The following PCNX2 variants were observed in gnomAD, a reference collection of about 807,000 sequenced individuals.
The protein encoded by PCNX2 is pecanex 2.
In PCNX2, 168 loss-of-function variants were observed where a neutral mutation model predicts 223.8. The observed-to-expected ratio is 0.75, with a 90% CI of 0.66 to 0.85. The LOEUF is 0.85. Ranked by LOEUF, PCNX2 falls within the 40% of genes least tolerant of loss-of-function variation. The probability of loss-of-function intolerance (pLI) is 0.00; values close to 1 mark genes in which losing one functional copy is unlikely to be tolerated. For synonymous variants in PCNX2, 1,006 were observed against 1,052.6 expected (o/e 0.96, Z 0.86); for missense variants, 2,507 against 2,675.5 (o/e 0.94, Z 1.39).
At chr1:233,045,653 A>C (rs772718044) in intron 25 of PCNX2, among the ~76,000 whole-genome samples, 3 of 152,352 alleles carry the variant, frequency 2.0e-5, no homozygotes, top group Middle Eastern at 3.4e-3. Flanking sequence ...CACACACGTG[A>C]AATCTTGGCT....
intron 1 of PCNX2, among the ~76,000 whole-genome samples, chr1:233,266,692 G>A (rs530974008): frequency 3.3e-5 from 5 of 152,202 alleles, no homozygotes; most frequent in Middle Eastern, 3.4e-3. Flanking sequence ...TTGAATAGCC[G>A]TTTTCTTGTT....
At chr1:233,099,905 T>C (rs72763919) in intron 21 of PCNX2, among the ~76,000 whole-genome samples, 20,079 of 152,158 alleles carry the variant, frequency 0.13, 1,438 homozygotes, top group East Asian at 0.21. Flanking sequence ...TAAATAGAAA[T>C]CTCATTTAGA....
intron 23 of PCNX2, among the ~76,000 whole-genome samples, chr1:233,066,992 T>G (rs890568699): frequency 1.3e-5 from 2 of 151,936 alleles, no homozygotes; most frequent in Non-Finnish European, 2.9e-5. Flanking sequence ...CAAGAAACTT[T>G]CCACCCTCTC....
intron 23 of PCNX2, among the ~76,000 whole-genome samples, chr1:233,078,187 A>G (rs1673184791): frequency 6.6e-6 from 1 of 152,226 alleles, no homozygotes; most frequent in Admixed American, 6.5e-5. Context: ...AAAGCCTCCC[A>G]GTACCTACAG....
At chr1:233,183,039 T>G (rs188998472) in intron 15 of PCNX2, among the ~76,000 whole-genome samples, 1 of 152,298 alleles carries the variant, frequency 6.6e-6, no homozygotes, top group East Asian at 1.9e-4. Context: ...GAATTAATGG[T>G]GGAAACACTT....
intron 21 of PCNX2, among the ~76,000 whole-genome samples, chr1:233,125,432 G>A (rs371685314): frequency 4.6e-5 from 7 of 152,102 alleles, no homozygotes; most frequent in South Asian, 2.1e-4. Flanking sequence ...GTCCAATCCC[G>A]GCGGTCTATG....
chr1:233,056,180 C>T (rs558050655), intron 24 of PCNX2, among the ~76,000 whole-genome samples: 11 of 152,228 alleles, frequency 7.2e-5, no homozygotes, highest in African/African-American at 2.6e-4. Context: ...TGAAGCAGCA[C>T]GCATCCTGAG....
At chr1:233,288,804 CT>C (rs10558976) in intron 1 of PCNX2, 32,231 of 427,454 alleles carry the variant, frequency 0.075, 427 homozygotes, top group African/African-American at 0.17. Context: ...GAAAGATGCC[CT>C]TTTTTTTTTT....
intron 8 of PCNX2, among the ~76,000 whole-genome samples, chr1:233,248,291 A>T (rs779635403): frequency 2.5e-4 from 38 of 151,822 alleles, no homozygotes; most frequent in Non-Finnish European, 5.0e-4. Context: ...TCTCGGGGGA[A>T]CCTCGAATCC....
chr1:233,035,388 A>C (rs1440243176), intron 25 of PCNX2, among the ~76,000 whole-genome samples: 1 of 152,246 alleles, frequency 6.6e-6, no homozygotes, highest in Non-Finnish European at 1.5e-5. Context: ...ATATGATTAC[A>C]TTTAAAACAT....
chr1:233,174,252 TTA>T (rs548592088), intron 17 of PCNX2, among the ~76,000 whole-genome samples: 1,744 of 143,110 alleles, frequency 0.012, 20 homozygotes, highest in Non-Finnish European at 0.017. Flanking sequence ...TTTATATAAA[TTA>T]TATATAATAT....
At chr1:233,235,655 G>A (rs1658340145) in intron 9 of PCNX2, among the ~76,000 whole-genome samples, 1 of 152,162 alleles carries the variant, frequency 6.6e-6, no homozygotes, top group Non-Finnish European at 1.5e-5. Context: ...AGGTTGGAGT[G>A]CAGTGGCACG....
At chr1:233,093,887 A>G (rs146689830) in intron 22 of PCNX2, among the ~76,000 whole-genome samples, 201 of 152,350 alleles carry the variant, frequency 1.3e-3, no homozygotes, top group African/African-American at 4.7e-3. Context: ...ATTAGTCTGT[A>G]TATCATGAAA....
chr1:233,137,318 G>C (rs985113739), intron 20 of PCNX2, among the ~76,000 whole-genome samples: 5 of 152,186 alleles, frequency 3.3e-5, no homozygotes, highest in African/African-American at 1.2e-4. Flanking sequence ...GTGTGAGTGT[G>C]TTCTGCGATG....
In PCNX2 at chr1:233,161,293, C is replaced by T; in HGVS notation, c.3344G>A (p.Ser1115Asn). 6.2e-7 allele frequency: 1 copy of T among 1,613,820 alleles called. No individual in the cohort carries two copies. Among genetic ancestry groups the T allele is most frequent in the Non-Finnish European group, 8.5e-7 (1 of 1,179,788 alleles). ...VAVLSFAVSA[S>N]TVFLSLRPFL... ...TACTCGCAATGACAGGAATACAGTG[C>T]TGGCGCTGACTGCAAATGAGAGGAC... Residue 1115 changes from serine (S) to asparagine (N), a missense_variant, in exon 18 of 34, where the codon AGC (serine) becomes AAC (asparagine). Physicochemically the swap from Ser to Asn is conservative, Grantham distance 46. Transcript: ENST00000258229.
intron 32 of PCNX2, among the ~76,000 whole-genome samples, chr1:232,996,305 T>A (rs1040450362): frequency 3.9e-5 from 6 of 152,184 alleles, no homozygotes; most frequent in Non-Finnish European, 7.3e-5. Context: ...ACAAGTCACC[T>A]GGAAGTACTG....
chr1:233,081,504 G>A (rs1042662734), intron 23 of PCNX2, among the ~76,000 whole-genome samples: 2 of 152,072 alleles, frequency 1.3e-5, no homozygotes, highest in African/African-American at 4.8e-5. Context: ...CCTGCTTAGC[G>A]TCTGGAGCTG....
intron 1 of PCNX2, chr1:233,291,127 C>T (rs78792028): frequency 3.1e-6 from 3 of 979,328 alleles, no homozygotes; most frequent in African/African-American, 1.7e-5. Context: ...GCCAAAGACT[C>T]GGATGCTACA....
At chr1:233,209,769 T>A (rs1681718517) in intron 12 of PCNX2, among the ~76,000 whole-genome samples, 1 of 152,222 alleles carries the variant, frequency 6.6e-6, no homozygotes, top group East Asian at 1.9e-4. Context: ...GAAATTTCCT[T>A]TTGAATCCAA....
Sources: allele counts gnomAD v4.1 joint callset (sites outside exome capture counted in the v4.1 genomes callset), GRCh38; gene constraint gnomAD v4.1.1; transcripts MANE v1.5; gene names NCBI Gene and HGNC (gene_info 2026-07-23, HGNC 2026-07-21).